Variants in CRIM1 observed in about 807,000 individuals in gnomAD.
CRIM1 encodes cysteine-rich motor neuron 1 protein.
CRIM1 carries 32 observed loss-of-function variants against 116.4 expected under a neutral mutation model. The observed-to-expected ratio is 0.27, with a 90% CI of 0.21 to 0.37. The LOEUF (loss-of-function observed/expected upper bound fraction) is 0.37, where lower values mean the gene tolerates loss of function less well. Ranked by LOEUF, CRIM1 falls within the 10% of genes least tolerant of loss-of-function variation. The pLI is 1.00. For missense variants in CRIM1, 1,331 were observed against 1,354.8 expected, an observed-to-expected ratio of 0.98 and a Z score of 0.28; for synonymous variants, 590 against 509.2, an observed-to-expected ratio of 1.16 and a Z score of -2.13.
At position 36,513,874 on chromosome 2, in the gene CRIM1, C is replaced by A. The variant is rs944213370; in HGVS notation, c.1990+109C>A. The A allele has an allele frequency of 5.8e-6, 5 of 859,176 alleles. No homozygotes were observed. In the African/African-American group the frequency reaches 6.7e-5, roughly 11 times the overall value. 53.2% of individuals were successfully genotyped at this position (859,176 alleles called of 1,614,324 possible). ...AGGTTGGAGGGGACAACCCCTGGAA[C>A]ACTTTTCAGCACTGTGTGGTTTTTG... On this transcript the variant is annotated intron_variant, in intron 11 of 16. Transcript: ENST00000280527.
chr2:36,473,145 A>G (rs1056734675), intron 5 of CRIM1, among the ~76,000 whole-genome samples: 1 of 152,236 alleles, frequency 6.6e-6, no homozygotes, highest in Non-Finnish European at 1.5e-5. Context: ...TAAAATAAAT[A>G]TAAAGTAATT....
chr2:36,461,871 A>C (rs1019927216), intron 4 of CRIM1, among the ~76,000 whole-genome samples: 1 of 152,228 alleles, frequency 6.6e-6, no homozygotes, highest in Non-Finnish European at 1.5e-5. Flanking sequence ...AACCTAATAG[A>C]TAGCTACCCA....
At position 36,441,274 on chromosome 2, in the gene CRIM1, C is replaced by T. The variant is rs765718384; in HGVS notation, c.522C>T (p.Cys174=). 1 of 1,614,180 alleles carries T rather than the reference C, an allele frequency of 6.2e-7. No individual in the cohort carries two copies. The highest frequency in any genetic ancestry group is 8.5e-7 in the Non-Finnish European group (1 of 1,180,032). The part of the protein sequence containing the change: ...LKRIEEEKPD[C]SKARCEVQFS... The stretch of plus-strand genomic sequence containing the variant: ...CCCTTTTAGAAGAGAAGCCAGATTG[C>T]TCCAAGGCCCGCTGTGAAGTCCAGT... The change falls in exon 3 of 17, where the codon TGC becomes TGT. Residue 174 remains cysteine (C), a synonymous_variant. Transcript: ENST00000280527.
At position 36,356,418 on chromosome 2, in the gene CRIM1, G is replaced by A; in HGVS notation, c.126G>A (p.Glu42=). The A allele has an allele frequency of 3.1e-6, 5 of 1,610,584 alleles. No individual in the cohort carries two copies. The highest frequency in any genetic ancestry group is 4.2e-6 in the Non-Finnish European group (5 of 1,179,484). The change falls in exon 1 of 17, where the codon GAG becomes GAA. Residue 42 remains glutamate (E), a synonymous_variant. Transcript: ENST00000280527. The surrounding 1 kb of genome is among the most constrained non-coding windows in gnomAD (Gnocchi z 4.3). ...CGCTGGTCTGCCTGCCCTGTGACGA[G>A]TCCAAGTGCGAGGAGCCCAGGAACT... ...TRALVCLPCD[E]SKCEEPRNCP... is the part of the protein sequence containing the mutation.
rs80302999 is a variant in CRIM1 at position 36,375,109 on chromosome 2, A to G, written c.331+18486A>G. Among the ~76,000 whole-genome samples, 44 of 152,240 alleles carry G rather than the reference A, an allele frequency of 2.9e-4. 1 individual carries two copies. The East Asian group carries it at 6.2e-3, about 21-fold the overall frequency. On this transcript the variant is annotated intron_variant, in intron 1 of 16. Transcript: ENST00000280527. ...GATATTAACTTCAAAATGAATTTGC[A>G]ACTTGTATGCTTTGCATATGCCGTA... is the stretch of plus-strand genomic sequence containing the variant.
At chr2:36,397,097 A>G (rs934726156) in intron 2 of CRIM1, among the ~76,000 whole-genome samples, 4 of 152,134 alleles carry the variant, frequency 2.6e-5, no homozygotes, top group Non-Finnish European at 5.9e-5. Context: ...CACCAGGTCC[A>G]TTCTGTTTGA....
At chr2:36,448,667 T>C (rs369290299) in intron 4 of CRIM1, among the ~76,000 whole-genome samples, 1 of 72,672 alleles carries the variant, frequency 1.4e-5, no homozygotes, top group Admixed American at 1.4e-4. Context: ...GTCACCTATT[T>C]TAAATTTATT....
chr2:36,458,296 G>A (rs960523426), intron 4 of CRIM1, among the ~76,000 whole-genome samples: 5 of 152,136 alleles, frequency 3.3e-5, no homozygotes, highest in African/African-American at 7.2e-5. Context: ...CTGGGGTGAC[G>A]GGGCGAGGCA....
At chr2:36,495,480 T>A (rs867792096) in intron 7 of CRIM1, among the ~76,000 whole-genome samples, 1,749 of 142,776 alleles carry the variant, frequency 0.012, 35 homozygotes, top group African/African-American at 0.042. Context: ...TATTTATTTT[T>A]TTTTTTTTTT....
At chr2:36,453,041 T>C (rs1041350993) in intron 4 of CRIM1, among the ~76,000 whole-genome samples, 1 of 152,240 alleles carries the variant, frequency 6.6e-6, no homozygotes, top group Non-Finnish European at 1.5e-5. Context: ...TAAGCAAGTC[T>C]AAAATGTAAA....
intron 1 of CRIM1, among the ~76,000 whole-genome samples, chr2:36,389,735 A>G (rs1671433251): frequency 6.6e-6 from 1 of 152,170 alleles, no homozygotes; most frequent in South Asian, 2.1e-4. Context: ...AACACACAGT[A>G]CTTTGTCCAG....
intron 1 of CRIM1, chr2:36,378,310 C>G (rs1572592662): frequency 2.1e-6 from 1 of 470,986 alleles, no homozygotes; most frequent in Non-Finnish European, 4.4e-6. Flanking sequence ...AAGTTTTGTT[C>G]ATGATTGTCC....
At chr2:36,433,895 C>T (rs1675091084) in intron 2 of CRIM1, among the ~76,000 whole-genome samples, 3 of 151,992 alleles carry the variant, frequency 2.0e-5, no homozygotes, top group African/African-American at 4.8e-5. Flanking sequence ...AAGATTCCGT[C>T]GCTGTTAAAT....
intron 7 of CRIM1, among the ~76,000 whole-genome samples, chr2:36,480,022 A>G (rs1679287110): frequency 1.3e-5 from 2 of 152,262 alleles, no homozygotes; most frequent in South Asian, 4.1e-4. Context: ...ATTGAAAATG[A>G]GACCGATGAG....
chr2:36,410,764 C>A (rs1341284069), intron 2 of CRIM1, among the ~76,000 whole-genome samples: 1 of 151,960 alleles, frequency 6.6e-6, no homozygotes, highest in African/African-American at 2.4e-5. Context: ...CAATCTGCCT[C>A]ACAGACCTTT....
chr2:36,545,990 C>T (rs890516640), intron 15 of CRIM1, among the ~76,000 whole-genome samples: 1 of 152,082 alleles, frequency 6.6e-6, no homozygotes, highest in Non-Finnish European at 1.5e-5. Context: ...CCTCCCATTC[C>T]TCCCTGCTCC....
At chr2:36,454,918 G>T (rs533216288) in intron 4 of CRIM1, among the ~76,000 whole-genome samples, 2 of 152,282 alleles carry the variant, frequency 1.3e-5, no homozygotes, top group African/African-American at 2.4e-5. Context: ...ACAGAAGGAG[G>T]ATAAAGAGGC....
At chr2:36,368,634 G>A (rs1031064392) in intron 1 of CRIM1, among the ~76,000 whole-genome samples, 2 of 152,112 alleles carry the variant, frequency 1.3e-5, no homozygotes, top group Non-Finnish European at 2.9e-5. Flanking sequence ...AATTCCCATT[G>A]GGCATTTATT....
chr2:36,427,265 C>A (rs568316875), intron 2 of CRIM1, among the ~76,000 whole-genome samples: 1 of 152,036 alleles, frequency 6.6e-6, no homozygotes, highest in Admixed American at 6.5e-5. Flanking sequence ...AGAAGGCTGG[C>A]TTCATCCTCC....
Sources: gnomAD v4.1 joint callset for allele counts (sites outside exome capture counted in the v4.1 genomes callset) on GRCh38, gnomAD v4.1.1 for gene constraint, Gnocchi (gnomAD v3.1) non-coding constraint, MANE v1.5 for transcripts, NCBI Gene and HGNC (gene_info 2026-07-23, HGNC 2026-07-21) for gene names.